The following CMIP variants were observed in gnomAD, a reference collection of about 807,000 sequenced individuals.
The protein encoded by CMIP is C-Maf-inducing protein.
Under a neutral mutation model 97.3 loss-of-function variants are expected in CMIP, and 13 were observed. The observed-to-expected ratio is 0.13, with a 90% confidence interval of 0.09 to 0.21. CMIP has a LOEUF of 0.21. CMIP is among the 10% of genes least tolerant of loss of function. The probability of loss-of-function intolerance (pLI) is 1.00; values close to 1 mark genes in which losing one functional copy is unlikely to be tolerated. For missense variants in CMIP, 847 were observed against 1,024.9 expected (o/e 0.83, Z 2.37); for synonymous variants, 538 against 436.3 (o/e 1.23, Z -2.91).
intron 4 of CMIP, among the ~76,000 whole-genome samples, chr16:81,656,719 C>T (rs1324064410): frequency 6.6e-6 from 1 of 152,190 alleles, no homozygotes; most frequent in African/African-American, 2.4e-5. Context: ...CTCACTGCAG[C>T]CTCCGCCTTT....
rs1365544622 is a variant in CMIP at position 81,549,996 on chromosome 16, C to T, written c.301-57571C>T. ...AAGTGCCCATGTGCATATTTAAATGCGCTCACCCGTGTGCGTGGGCAAATG... is the reference window on the plus strand; with the variant it reads ...AAGTGCCCATGTGCATATTTAAATGTGCTCACCCGTGTGCGTGGGCAAATG... On this transcript the variant is annotated intron_variant, in intron 1 of 20. Coordinates refer to ENST00000537098, the MANE Select transcript of CMIP (RefSeq NM_198390.3). 7.2e-5 allele frequency among the ~76,000 whole-genome samples: 11 copies of T among 152,196 alleles called. No homozygotes were observed. In the East Asian group the frequency reaches 1.5e-3, roughly 21 times the overall value.
At chr16:81,495,915 C>T (rs866267064) in intron 1 of CMIP, among the ~76,000 whole-genome samples, 3 of 152,184 alleles carry the variant, frequency 2.0e-5, no homozygotes, top group Non-Finnish European at 4.4e-5. Flanking sequence ...ATGCAGTTTG[C>T]GAGATAATCC....
intron 1 of CMIP, among the ~76,000 whole-genome samples, chr16:81,517,305 T>A (rs1029833347): frequency 1.3e-5 from 2 of 152,098 alleles, no homozygotes; most frequent in African/African-American, 2.4e-5. Context: ...TCCAAGGTCA[T>A]CAGTGAAAGA....
At chr16:81,471,124 T>C (rs1907507360) in intron 1 of CMIP, among the ~76,000 whole-genome samples, 1 of 152,184 alleles carries the variant, frequency 6.6e-6, no homozygotes, top group Admixed American at 6.5e-5. Context: ...TACTTGTGCA[T>C]ATACACATAT....
intron 11 of CMIP, 21 bp from the exon 12 acceptor site, chr16:81,693,137 T>C (rs1906292753): frequency 6.2e-7 from 1 of 1,609,590 alleles, no homozygotes; most frequent in African/African-American, 1.3e-5. Flanking sequence ...ACCGCCGTGT[T>C]TTCCCCTGTT....
intron 6 of CMIP, among the ~76,000 whole-genome samples, chr16:81,662,571 T>A (rs2092558824): frequency 1.3e-5 from 2 of 152,156 alleles, no homozygotes; most frequent in South Asian, 4.1e-4. Context: ...GACCAAAGCC[T>A]CCCGCGCTGC....
rs78145114 is a variant in CMIP, at chr16:81,574,445, G to A, written c.301-33122G>A. 1.6e-3 allele frequency among the ~76,000 whole-genome samples: 249 copies of A among 152,398 alleles called. 8 individuals are homozygous for A. The East Asian group carries it at 0.045, about 27-fold the overall frequency. On this transcript the variant is annotated intron_variant, in intron 1 of 20. Coordinates refer to ENST00000537098, the MANE Select transcript of CMIP (RefSeq NM_198390.3). The stretch of plus-strand genomic sequence containing the variant: ...TTCTCAGCAGGACCGGGCGAAGCCC[G>A]AGTTCTCAGCTGGGTACAGCCGTGC...
At position 81,660,841 on chromosome 16, in the gene CMIP, C is replaced by T. The variant is rs770919210; in HGVS notation, c.682-43C>T. On this transcript the variant is annotated intron_variant, in intron 5 of 20. Transcript: ENST00000537098. ...GAGATTGTTCGAAGTCTTTCCGTGG[C>T]TATCTACCCCACGGTTCCTGATGCT... The T allele has an allele frequency of 1.9e-6, 3 of 1,608,310 alleles. No individual in the cohort carries two copies. The South Asian group carries it at 3.3e-5, about 18-fold the overall frequency.
At chr16:81,530,607 C>T (rs1342949831) in intron 1 of CMIP, among the ~76,000 whole-genome samples, 1 of 152,136 alleles carries the variant, frequency 6.6e-6, no homozygotes, top group Non-Finnish European at 1.5e-5. Context: ...CAGCTTTCCT[C>T]ACCGCTTCCC....
chr16:81,622,115 A>C (rs1186421638), intron 3 of CMIP: 1 of 152,128 alleles, frequency 6.6e-6, no homozygotes, highest in Non-Finnish European at 1.5e-5. Context: ...CCTCACCACA[A>C]CCGCATAAGG....
intron 9 of CMIP, among the ~76,000 whole-genome samples, chr16:81,674,157 G>C (rs895919700): frequency 6.6e-6 from 1 of 152,176 alleles, no homozygotes; most frequent in East Asian, 1.9e-4. Flanking sequence ...TCACTTCCCT[G>C]ATCAGAAGGA....
intron 1 of CMIP, chr16:81,603,488 G>C (rs528206536): frequency 2.2e-6 from 1 of 454,390 alleles, no homozygotes; most frequent in South Asian, 1.6e-5. Flanking sequence ...TGCTTCCCCA[G>C]CTGCTAGTAT....
In CMIP at chr16:81,476,345, C is replaced by G. The variant is rs1907917369; in HGVS notation, c.300+30804C>G. 2.4e-5 allele frequency: 34 copies of G among 1,400,394 alleles called. No individual in the cohort carries two copies. In the South Asian group the frequency reaches 3.3e-4, roughly 14 times the overall value. 86.7% of individuals were successfully genotyped at this position (1,400,394 alleles called of 1,614,324 possible). A position where few individuals can be genotyped will look rare whatever the true frequency, so the allele number is the denominator to read the frequency against. The stretch of plus-strand genomic sequence containing the variant: ...AAGTCACCACCCTGATACATAAACC[C>G]TGGAATGTTCCTGTGAAAGCAGGAA... On this transcript the variant is annotated intron_variant, in intron 1 of 20. Coordinates refer to ENST00000537098, the MANE Select transcript of CMIP (RefSeq NM_198390.3).
chr16:81,659,937 C>A (rs902206022), intron 5 of CMIP, among the ~76,000 whole-genome samples: 1 of 152,228 alleles, frequency 6.6e-6, no homozygotes, highest in Admixed American at 6.5e-5. Context: ...TCCTTTCATT[C>A]CAACAGTTAC....
At chr16:81,498,103 C>G (rs1352323194) in intron 1 of CMIP, among the ~76,000 whole-genome samples, 1 of 152,234 alleles carries the variant, frequency 6.6e-6, no homozygotes, top group Non-Finnish European at 1.5e-5. Context: ...GGACAGAGGT[C>G]AGACCCAGCT....
chr16:81,590,464 C>T (rs2091450023), intron 1 of CMIP, among the ~76,000 whole-genome samples: 1 of 152,156 alleles, frequency 6.6e-6, no homozygotes, highest in Admixed American at 6.5e-5. Flanking sequence ...GGATCATGTC[C>T]AGCAGCCTCG....
At chr16:81,527,406 C>G (rs938581846) in intron 1 of CMIP, among the ~76,000 whole-genome samples, 1 of 152,192 alleles carries the variant, frequency 6.6e-6, no homozygotes, top group Non-Finnish European at 1.5e-5. Flanking sequence ...ATTGTAGAAT[C>G]TAGGTGGTGG....
At chr16:81,586,611 C>T (rs535656550) in intron 1 of CMIP, among the ~76,000 whole-genome samples, 2 of 151,222 alleles carry the variant, frequency 1.3e-5, no homozygotes, top group South Asian at 2.1e-4. Flanking sequence ...GTTTTTATGA[C>T]TCACCTCCTT....
intron 4 of CMIP, among the ~76,000 whole-genome samples, chr16:81,653,701 C>A (rs1308575523): frequency 6.6e-6 from 1 of 152,220 alleles, no homozygotes; most frequent in Non-Finnish European, 1.5e-5. Context: ...CAACCTCCGC[C>A]TCCTGGGTTC....
Sources: gnomAD v4.1 joint callset for allele counts (sites outside exome capture counted in the v4.1 genomes callset) on GRCh38, gnomAD v4.1.1 for gene constraint, MANE v1.5 for transcripts, NCBI Gene and HGNC (gene_info 2026-07-23, HGNC 2026-07-21) for gene names.